The following CIDEB variants were observed in gnomAD, a reference collection of about 807,000 sequenced individuals.
The protein encoded by CIDEB is cell death inducing DFFA like effector b, also known as lipid transferase CIDEB.
A neutral mutation model predicts 22.4 loss-of-function variants in CIDEB; 27 were observed. The ratio of observed to expected loss-of-function variants is 1.21; its 90% CI spans 0.89 to 1.66. The LOEUF is 1.66. CIDEB is among the 40% of genes most tolerant of loss of function. The pLI, the probability that CIDEB is intolerant of heterozygous loss-of-function variation, is 0.00. For synonymous variants in CIDEB, 103 were observed against 109.5 expected (o/e 0.94, Z 0.37); for missense variants, 289 against 268.7 (o/e 1.08, Z -0.53).
rs764766425 is a variant in CIDEB, at chr14:24,305,964, G to A, written c.510C>T (p.Gly170=). 6 of 1,613,754 alleles carry A rather than the reference G, an allele frequency of 3.7e-6. No individual in the cohort carries two copies. The South Asian group carries it at 6.6e-5, about 18-fold the overall frequency. ...YSMSCDFQGL[G]PKKVLRELLR... is the part of the protein sequence containing the mutation. ...TTTCTGACCTGAGTACTTTCTTTGG[G>A]CCAAGTCCTTGAAAGTCACAACTCA... The change falls in exon 4 of 5, where the codon GGC becomes GGT. Residue 170 remains glycine (G), a synonymous_variant. Coordinates refer to ENST00000554411, the MANE Select transcript of CIDEB (RefSeq NM_001393339.1).
chr14:24,306,615 T>A (rs1322578482), intron 2 of CIDEB, 92 bp from the exon 3 acceptor site: 5 of 1,539,866 alleles, frequency 3.2e-6, no homozygotes, highest in Non-Finnish European at 4.5e-6. Flanking sequence ...CTCTAGACAT[T>A]GGTCGATGTC....
Position 24,305,570 on chromosome 14 carries a change from T to A in CIDEB, c.*63A>T. ...ACTGTCTGCAGGTCCTGAAATTTGA[T>A]GCTGTCATAGTCTTTGCAGTGGGTC... is the stretch of plus-strand genomic sequence containing the variant. On this transcript the variant is annotated 3_prime_UTR_variant, in exon 5 of 5. Transcript: ENST00000554411. 6.4e-7 allele frequency: 1 copy of A among 1,551,382 alleles called. No homozygotes were observed. Among genetic ancestry groups the A allele is most frequent in the Non-Finnish European group, 8.7e-7 (1 of 1,150,676 alleles).
upstream of CIDEB, chr14:24,310,891 C>A (rs761907733): frequency 2.1e-5 from 34 of 1,592,930 alleles, no homozygotes; most frequent in Admixed American, 5.1e-5. Flanking sequence ...CTGCTCACGC[C>A]GCTCTTTGTG....
In CIDEB at chr14:24,307,420, G is replaced by A; in HGVS notation, c.137C>T (p.Thr46Ile). Residue 46 changes from threonine to isoleucine, a missense_variant, in exon 2 of 5, where the codon ACC becomes ATC. Thr to Ile is a moderately conservative substitution (Grantham distance 89, BLOSUM62 -1). Transcript: ENST00000554411. The stretch of plus-strand genomic sequence containing the variant: ...GGCAGCTGTCAGGCCTTTCCGGATG[G>A]TCCGCTTGTGATCACAGACACGGAA... The part of the protein sequence containing the change: ...RPFRVCDHKR[T>I]IRKGLTAATR... 1.2e-6 allele frequency: 2 copies of A among 1,614,134 alleles called. No individual in the cohort carries two copies. Among genetic ancestry groups the A allele is most frequent in the Non-Finnish European group, 1.7e-6 (2 of 1,179,992 alleles).
chr14:24,311,112 C>T (rs1566423044), upstream of CIDEB: 3 of 1,574,504 alleles, frequency 1.9e-6, no homozygotes, highest in East Asian at 7.1e-5. Context: ...GCTGGCCGCC[C>T]TGTTGCTCGC....
At chr14:24,310,482 G>C, upstream of CIDEB, 1 of 726,528 alleles carries the variant, frequency 1.4e-6, no homozygotes, top group Non-Finnish European at 2.5e-6. Flanking sequence ...TTCCAAGAAG[G>C]AGTTGTGTTT....
chr14:24,306,577 C>T lies in CIDEB; in HGVS notation c.187-54G>A. The T allele has an allele frequency of 3.7e-6, 6 of 1,609,954 alleles. No individual in the cohort carries two copies. The South Asian group carries it at 5.5e-5, about 15-fold the overall frequency. On this transcript the variant is annotated intron_variant, in intron 2 of 4. Transcript: ENST00000554411. ...AGGTCTTATCCCATGCCCCTTCCCT[C>T]TTTAGCTGCCCAACATCCATCAGTT...
At position 24,305,775 on chromosome 14, in the gene CIDEB, A is replaced by G. The variant is rs545918875; in HGVS notation, c.528-10T>C. 6.2e-7 allele frequency: 1 copy of G among 1,612,508 alleles called. No homozygotes were observed. Among genetic ancestry groups the G allele is most frequent in the East Asian group, 2.2e-5 (1 of 44,872 alleles). On this transcript the variant is annotated splice_polypyrimidine_tract_variant and intron_variant, in intron 4 of 4. Coordinates refer to ENST00000554411, the MANE Select transcript of CIDEB (RefSeq NM_001393339.1). The stretch of plus-strand genomic sequence containing the variant: ...CCAACGAAGGAGCTCCCTGAATGGC[A>G]GAGACAAGAGGAAATCAGATGATTT...
upstream of CIDEB, chr14:24,309,540 C>T (rs2041621867): frequency 6.6e-6 from 1 of 152,222 alleles, no homozygotes; most frequent in African/African-American, 2.4e-5. Context: ...TTAGTATGTC[C>T]CTACTCATCC....
upstream of CIDEB, chr14:24,310,623 C>T: frequency 1.9e-6 from 3 of 1,604,580 alleles, no homozygotes; most frequent in South Asian, 1.1e-5. Flanking sequence ...CACCCCTGAA[C>T]GCCCTCTGTG....
chr14:24,311,073 C>T, upstream of CIDEB: 1 of 1,562,296 alleles, frequency 6.4e-7, no homozygotes. Context: ...CAGCCCGGCC[C>T]TGGCCCGCCG....
chr14:24,311,155 G>T, upstream of CIDEB: 1 of 1,602,504 alleles, frequency 6.2e-7, no homozygotes. Context: ...CACCTGTGGA[G>T]GGACCGCGTA....
chr14:24,306,769 A>G, intron 2 of CIDEB: 1 of 523,792 alleles, frequency 1.9e-6, no homozygotes. Context: ...GCTCCCCTCC[A>G]AGTCACTTCT....
Position 24,307,422 on chromosome 14 carries a change from C to CCGCTTGTGATCACAGACA in CIDEB, c.117_134dup (p.Val40_Arg45dup). The CCGCTTGTGATCACAGACA allele has an allele frequency of 6.2e-7, 1 of 1,614,002 alleles. No individual in the cohort carries two copies. The highest frequency in any genetic ancestry group is 8.5e-7 in the Non-Finnish European group (1 of 1,179,962). Reference sequence around the variant, plus strand: ...CAGCTGTCAGGCCTTTCCGGATGGTCCGCTTGTGATCACAGACACGGAAAG... The same window carrying CCGCTTGTGATCACAGACA: ...CAGCTGTCAGGCCTTTCCGGATGGTCCGCTTGTGATCACAGACACGCTTGTGATCACAGACACGGAAAG... On this transcript the variant is annotated inframe_insertion, in exon 2 of 5. Coordinates refer to ENST00000554411, the MANE Select transcript of CIDEB (RefSeq NM_001393339.1).
chr14:24,310,062 G>A (rs1778047958), upstream of CIDEB: 1 of 159,532 alleles, frequency 6.3e-6, no homozygotes, highest in Non-Finnish European at 1.4e-5. Context: ...ACGCCTGGGT[G>A]CGTTGGTGAT....
At chr14:24,311,181 C>T, upstream of CIDEB, 1 of 1,607,448 alleles carries the variant, frequency 6.2e-7, no homozygotes, top group Non-Finnish European at 8.5e-7. Context: ...GCTGTGCCAC[C>T]CGTCGCCGGT....
upstream of CIDEB, chr14:24,309,013 C>G (rs1412503241): frequency 2.0e-5 from 3 of 152,266 alleles, no homozygotes; most frequent in East Asian, 5.8e-4. Flanking sequence ...ATACCCTGAC[C>G]CCCTTGTTTT....
upstream of CIDEB, chr14:24,307,990 G>T (rs1399792473): frequency 9.6e-6 from 8 of 832,130 alleles, no homozygotes; most frequent in East Asian, 2.2e-4. Context: ...GTCAAGCCTG[G>T]ACTCTGGCCC....
In CIDEB at chr14:24,307,474, C is replaced by T. The variant is rs765280407; in HGVS notation, c.83G>A (p.Trp28Ter). 1 of 1,614,012 alleles carries T rather than the reference C, an allele frequency of 6.2e-7. No homozygotes were observed. The highest frequency in any genetic ancestry group is 8.5e-7 in the Non-Finnish European group (1 of 1,180,024). ...NISSEFGRRV[W>*]TSAPPPQRPF... ...TCGCTGGGGTGGTGGAGCTGAGGTC[C>T]AGACCCTCCGTCCAAACTCCGAGCT... The change falls in exon 2 of 5, where the codon TGG (tryptophan) becomes TAG (stop). Residue 28 changes from tryptophan to a stop codon, truncating the protein, a stop_gained. Transcript: ENST00000554411. LOFTEE classifies it high-confidence loss of function.
Sources: allele counts gnomAD v4.1 joint callset, GRCh38; gene constraint gnomAD v4.1.1; transcripts MANE v1.5; gene names NCBI Gene and HGNC (gene_info 2026-07-23, HGNC 2026-07-21).